C12orf42: variants seen among roughly 807,000 people sequenced by gnomAD.
C12orf42 encodes the protein uncharacterized protein C12orf42.
A neutral mutation model predicts 21.6 loss-of-function variants in C12orf42; 25 were observed. The ratio of observed to expected loss-of-function variants is 1.16; its 90% CI spans 0.84 to 1.62. The LOEUF is 1.62. Among genes scored for constraint, C12orf42 ranks in the 40% most tolerant of loss-of-function variants. The pLI is 0.00. For missense variants in C12orf42, 483 were observed against 459.3 expected (o/e 1.05, Z -0.47); for synonymous variants, 174 against 175.0 (o/e 0.99, Z 0.05).
downstream of C12orf42, among the ~76,000 whole-genome samples, chr12:103,236,315 AT>A (rs1398803631): frequency 1.3e-5 from 2 of 152,222 alleles, no homozygotes; most frequent in African/African-American, 4.8e-5. Flanking sequence ...AATTCTTTCA[AT>A]AACAACAGAA....
chr12:103,255,780 G>A (rs1461450346), intron 10 of C12orf42, among the ~76,000 whole-genome samples: 2 of 151,368 alleles, frequency 1.3e-5, no homozygotes, highest in Non-Finnish European at 2.9e-5. Context: ...GGCCGGGCGC[G>A]ATGGCTCACG....
chr12:103,315,788 T>C (rs777197350), intron 4 of C12orf42, among the ~76,000 whole-genome samples: 2 of 152,144 alleles, frequency 1.3e-5, no homozygotes, highest in Non-Finnish European at 2.9e-5. Context: ...GTGAGAGATC[T>C]ATTGAACAAC....
At chr12:103,530,893 T>C in the C12orf42 span, among the ~76,000 whole-genome samples, 1 of 152,208 alleles carries the variant, frequency 6.6e-6, no homozygotes, top group Non-Finnish European at 1.5e-5. Context: ...TTATAACAGA[T>C]GTCAGCAGAG....
intron 2 of C12orf42, among the ~76,000 whole-genome samples, chr12:103,455,619 G>A (rs1292832686): frequency 1.3e-5 from 2 of 152,250 alleles, no homozygotes; most frequent in East Asian, 1.9e-4. Flanking sequence ...CCCTGGGGGT[G>A]TGAGGTTCCT....
chr12:103,252,272 A>G (rs2034345811), intron 10 of C12orf42, among the ~76,000 whole-genome samples: 1 of 152,172 alleles, frequency 6.6e-6, no homozygotes, highest in South Asian at 2.1e-4. Context: ...ATAGGTCTTT[A>G]TAGTAGAATT....
the C12orf42 span, among the ~76,000 whole-genome samples, chr12:103,539,514 T>G: frequency 6.6e-6 from 1 of 152,322 alleles, no homozygotes; most frequent in South Asian, 2.1e-4. Flanking sequence ...CTTGTCTTCA[T>G]CATACCTTTA....
At chr12:103,192,502 C>CAAAA in the C12orf42 span, among the ~76,000 whole-genome samples, 4,227 of 104,330 alleles carry the variant, frequency 0.041, 172 homozygotes, top group East Asian at 0.27. Context: ...GACTCCATCT[C>CAAAA]AAAAAAAAAA....
chr12:103,277,492 A>G (rs2035840239), intron 4 of C12orf42, among the ~76,000 whole-genome samples: 1 of 152,184 alleles, frequency 6.6e-6, no homozygotes. Flanking sequence ...TATGAAAAGT[A>G]TTTTGATCTT....
chr12:103,392,703 T>A (rs200711993), intron 3 of C12orf42, among the ~76,000 whole-genome samples: 2 of 152,364 alleles, frequency 1.3e-5, no homozygotes, highest in South Asian at 2.1e-4. Flanking sequence ...AATTTGTTTA[T>A]TAGCTCTAAC....
chr12:103,392,262 T>G (rs2047147438), intron 3 of C12orf42, among the ~76,000 whole-genome samples: 1 of 152,214 alleles, frequency 6.6e-6, no homozygotes, highest in Non-Finnish European at 1.5e-5. Context: ...AGTATGAACA[T>G]TTGAATTGGT....
At chr12:103,353,513 G>C (rs2043272910) in intron 4 of C12orf42, among the ~76,000 whole-genome samples, 1 of 152,172 alleles carries the variant, frequency 6.6e-6, no homozygotes, top group East Asian at 1.9e-4. Flanking sequence ...TCAGGGTCCA[G>C]CAGGAACAAA....
At chr12:103,538,148 G>T in the C12orf42 span, among the ~76,000 whole-genome samples, 1 of 152,074 alleles carries the variant, frequency 6.6e-6, no homozygotes, top group Non-Finnish European at 1.5e-5. Context: ...GAAGCCAGAT[G>T]AAAATGAGTT....
At chr12:103,113,377 A>T in the C12orf42 span, among the ~76,000 whole-genome samples, 1 of 152,218 alleles carries the variant, frequency 6.6e-6, no homozygotes, top group Admixed American at 6.5e-5. Flanking sequence ...AAGAGAAGGA[A>T]GGTGTTTGGG....
chr12:103,220,381 A>G, the C12orf42 span, among the ~76,000 whole-genome samples: 1 of 152,158 alleles, frequency 6.6e-6, no homozygotes, highest in Non-Finnish European at 1.5e-5. Flanking sequence ...TGTATCCCAA[A>G]ACTGTAAGTA....
At chr12:103,386,861 C>A (rs901637191) in intron 3 of C12orf42, among the ~76,000 whole-genome samples, 2 of 152,180 alleles carry the variant, frequency 1.3e-5, no homozygotes, top group Non-Finnish European at 2.9e-5. Flanking sequence ...GAACCCCAAT[C>A]TCTTGGGAAA....
intron 3 of C12orf42, among the ~76,000 whole-genome samples, chr12:103,375,646 T>C (rs913714032): frequency 6.6e-6 from 1 of 152,204 alleles, no homozygotes; most frequent in East Asian, 1.9e-4. Flanking sequence ...TAGGTTCAGA[T>C]TGTCATTCGT....
At chr12:103,477,648 A>G (rs1032366533) in intron 2 of C12orf42, among the ~76,000 whole-genome samples, 1 of 152,156 alleles carries the variant, frequency 6.6e-6, no homozygotes, top group Non-Finnish European at 1.5e-5. Flanking sequence ...AACCCTCTGT[A>G]ACTTGCTTTG....
intron 10 of C12orf42, among the ~76,000 whole-genome samples, chr12:103,250,928 C>T (rs1423545625): frequency 1.3e-5 from 2 of 151,670 alleles, no homozygotes; most frequent in Non-Finnish European, 2.9e-5. Context: ...ATGAGTCCAT[C>T]TACTCCCATG....
chr12:103,511,915 T>C, the C12orf42 span, among the ~76,000 whole-genome samples: 1 of 152,118 alleles, frequency 6.6e-6, no homozygotes, highest in African/African-American at 2.4e-5. Context: ...CAGCCCTATC[T>C]TCACTCCTAT....
Sources: allele counts gnomAD v4.1 joint callset (sites outside exome capture counted in the v4.1 genomes callset), GRCh38; gene constraint gnomAD v4.1.1; transcripts MANE v1.5; gene names NCBI Gene and HGNC (gene_info 2026-07-23, HGNC 2026-07-21).